BMAL2: variants seen among roughly 807,000 people sequenced by gnomAD.
BMAL2 encodes the protein basic helix-loop-helix ARNT-like protein 2.
the BMAL2 span, among the ~76,000 whole-genome samples, chr12:27,380,594 T>C: frequency 6.6e-6 from 1 of 152,204 alleles, no homozygotes; most frequent in African/African-American, 2.4e-5. Flanking sequence ...TCAGAAAACT[T>C]GGTTCTGATA....
At chr12:27,361,948 T>C in the BMAL2 span, among the ~76,000 whole-genome samples, 20 of 152,098 alleles carry the variant, frequency 1.3e-4, no homozygotes, top group Non-Finnish European at 2.6e-4. Flanking sequence ...CTAAAGATAA[T>C]TCACATTCCT....
At chr12:27,386,016 G>A in the BMAL2 span, among the ~76,000 whole-genome samples, 1 of 152,138 alleles carries the variant, frequency 6.6e-6, no homozygotes, top group Non-Finnish European at 1.5e-5. Flanking sequence ...AGGGGAAACT[G>A]TGATCATGTG....
the BMAL2 span, among the ~76,000 whole-genome samples, chr12:27,365,804 T>C: frequency 6.6e-6 from 1 of 151,570 alleles, no homozygotes; most frequent in Admixed American, 6.6e-5. Flanking sequence ...AAACTTTGTT[T>C]AGCTTTTTAA....
chr12:27,333,067 C>G, the BMAL2 span: 63 of 1,203,454 alleles, frequency 5.2e-5, no homozygotes, highest in Non-Finnish European at 6.2e-5. Context: ...CCAAGTGGCT[C>G]CTGCGATGGC....
chr12:27,358,403 C>T, the BMAL2 span, among the ~76,000 whole-genome samples: 2 of 152,064 alleles, frequency 1.3e-5, no homozygotes, highest in East Asian at 1.9e-4. Context: ...TAGATGTTGG[C>T]AGGGATGTGG....
the BMAL2 span, chr12:27,368,526 G>C: frequency 7.7e-7 from 1 of 1,301,200 alleles, no homozygotes; most frequent in African/African-American, 1.5e-5. Context: ...TTTGGAGATG[G>C]GAGAGTACTT....
the BMAL2 span, among the ~76,000 whole-genome samples, chr12:27,404,966 C>T: frequency 2.0e-5 from 3 of 152,302 alleles, no homozygotes; most frequent in South Asian, 2.1e-4. Flanking sequence ...ATGCCTGGCT[C>T]GGAGGGTCCT....
the BMAL2 span, among the ~76,000 whole-genome samples, chr12:27,350,474 A>G: frequency 7.9e-5 from 12 of 152,200 alleles, no homozygotes; most frequent in Admixed American, 7.9e-4. Flanking sequence ...CTGTTTGGGA[A>G]AACATGAAGA....
chr12:27,362,048 A>T, the BMAL2 span, among the ~76,000 whole-genome samples: 1 of 151,788 alleles, frequency 6.6e-6, no homozygotes, highest in Non-Finnish European at 1.5e-5. Flanking sequence ...TCTTCGTTTT[A>T]TTTCTGTCTC....
chr12:27,369,333 G>A, the BMAL2 span, among the ~76,000 whole-genome samples: 1 of 151,516 alleles, frequency 6.6e-6, no homozygotes, highest in African/African-American at 2.4e-5. Context: ...TATTTACAAA[G>A]TGGGCACATG....
At chr12:27,364,531 A>G in the BMAL2 span, among the ~76,000 whole-genome samples, 2 of 152,080 alleles carry the variant, frequency 1.3e-5, no homozygotes, top group East Asian at 1.9e-4. Context: ...TCATCTGTCT[A>G]TCCTCATACC....
chr12:27,369,525 T>C, the BMAL2 span, among the ~76,000 whole-genome samples: 2 of 152,262 alleles, frequency 1.3e-5, no homozygotes, highest in African/African-American at 2.4e-5. Context: ...AAAACTATAG[T>C]TGATGAAGTG....
chr12:27,368,464 G>A, the BMAL2 span: 1 of 1,574,260 alleles, frequency 6.4e-7, no homozygotes, highest in Non-Finnish European at 8.7e-7. Context: ...TTAGGGAGAA[G>A]AGGAAAATAT....
At chr12:27,335,855 C>T in the BMAL2 span, among the ~76,000 whole-genome samples, 1 of 152,012 alleles carries the variant, frequency 6.6e-6, no homozygotes, top group Non-Finnish European at 1.5e-5. Context: ...CAAAGTTTGA[C>T]TCCAGGAAAA....
At chr12:27,347,910 G>A in the BMAL2 span, among the ~76,000 whole-genome samples, 1 of 152,140 alleles carries the variant, frequency 6.6e-6, no homozygotes, top group Non-Finnish European at 1.5e-5. Context: ...TAAAATATAT[G>A]TACTGTTGCA....
the BMAL2 span, chr12:27,420,260 T>A: frequency 8.9e-7 from 1 of 1,121,090 alleles, no homozygotes. Context: ...ATACTTTGCC[T>A]TCAAAAATAC....
chr12:27,364,910 C>G, the BMAL2 span, among the ~76,000 whole-genome samples: 2 of 151,904 alleles, frequency 1.3e-5, no homozygotes, highest in African/African-American at 2.4e-5. Flanking sequence ...TAAATTCTAT[C>G]TTTTAAATAT....
chr12:27,333,260 G>A, the BMAL2 span: 1 of 744,964 alleles, frequency 1.3e-6, no homozygotes, highest in Non-Finnish European at 1.8e-6. Flanking sequence ...GGGGCGGTGG[G>A]ACAAGGCCGC....
the BMAL2 span, chr12:27,376,436 A>G: frequency 1.9e-6 from 3 of 1,570,998 alleles, no homozygotes; most frequent in Non-Finnish European, 2.6e-6. Context: ...AAGGTACACA[A>G]AGGCAAGCCT....
Sources: gnomAD v4.1 joint callset for allele counts (sites outside exome capture counted in the v4.1 genomes callset) on GRCh38, gnomAD v4.1.1 for gene constraint, MANE v1.5 for transcripts, NCBI Gene and HGNC (gene_info 2026-07-23, HGNC 2026-07-21) for gene names.